BCAP29: variants seen among roughly 807,000 people sequenced by gnomAD.
The protein encoded by BCAP29 is B cell receptor associated protein 29.
In BCAP29, 34 loss-of-function variants were observed where a neutral mutation model predicts 31.8. The observed-to-expected ratio is 1.07, with a 90% CI of 0.81 to 1.42. The LOEUF is 1.42. Ranked by LOEUF, BCAP29 falls within the 40% of genes most tolerant of loss-of-function variation. The pLI is 0.00. For missense variants in BCAP29, 314 were observed against 269.2 expected (o/e 1.17, Z -1.16); for synonymous variants, 104 against 91.3 (o/e 1.14, Z -0.79).
intron 3 of BCAP29, chr7:107,587,828 A>C (rs1334853600): frequency 2.0e-5 from 3 of 152,238 alleles, no homozygotes; most frequent in African/African-American, 7.2e-5. Flanking sequence ...TATTTGAAAA[A>C]AAAAGCAAAA....
chr7:107,581,593 G>A (rs1007374580), intron 2 of BCAP29, among the ~76,000 whole-genome samples: 1 of 152,116 alleles, frequency 6.6e-6, no homozygotes, highest in Non-Finnish European at 1.5e-5. Context: ...AAATACACAT[G>A]TAATAAAAAT....
At chr7:107,593,468 C>T (rs1025431839) in intron 3 of BCAP29, among the ~76,000 whole-genome samples, 3 of 152,174 alleles carry the variant, frequency 2.0e-5, no homozygotes, top group Non-Finnish European at 2.9e-5. Flanking sequence ...TGTTAACAAA[C>T]TTATGCCAGT....
rs1387205467 is a variant in BCAP29 at position 107,619,649 on chromosome 7, G to T, written c.*1286G>T. On this transcript the variant is annotated 3_prime_UTR_variant, in exon 8 of 8. Coordinates refer to ENST00000005259, the MANE Select transcript of BCAP29 (RefSeq NM_018844.4). ...CATTCAACAGGAGTATGAAATGAGAGTTAGACCATATGGGCTGACAACACC... is the reference window on the plus strand; with the variant it reads ...CATTCAACAGGAGTATGAAATGAGATTTAGACCATATGGGCTGACAACACC... 6.6e-6 allele frequency: 1 copy of T among 152,116 alleles called. No individual in the cohort carries two copies. Among genetic ancestry groups the T allele is most frequent in the African/African-American group, 2.4e-5 (1 of 41,444 alleles). The allele number at this position is 152,116 out of a possible 1,614,324, so 9.4% of individuals were successfully genotyped here.
At chr7:107,617,366 G>A (rs1262618198) in intron 7 of BCAP29, among the ~76,000 whole-genome samples, 1 of 151,992 alleles carries the variant, frequency 6.6e-6, no homozygotes, top group Non-Finnish European at 1.5e-5. Context: ...AAATCCTTTT[G>A]GATTTCCCCA....
At chr7:107,612,390 T>TA (rs1249275835) in intron 6 of BCAP29, among the ~76,000 whole-genome samples, 12 of 92,724 alleles carry the variant, frequency 1.3e-4, no homozygotes, top group Admixed American at 2.8e-4. Flanking sequence ...AATGTATTGT[T>TA]TTATATATAT....
chr7:107,618,627 G>T lies in BCAP29; in HGVS notation c.*264G>T. The T allele has an allele frequency of 6.7e-7, 1 of 1,484,220 alleles. No individual in the cohort carries two copies. Among genetic ancestry groups the T allele is most frequent in the Non-Finnish European group, 9.1e-7 (1 of 1,104,930 alleles). 91.9% of individuals were successfully genotyped at this position (1,484,220 alleles called of 1,614,324 possible). On this transcript the variant is annotated 3_prime_UTR_variant, in exon 8 of 8. Transcript: ENST00000005259. ...TTGATAATGTCATTGGTATATGGTGGCTGTTTACCAATAAAAGGAAAAAAT... is the reference window on the plus strand; with the variant it reads ...TTGATAATGTCATTGGTATATGGTGTCTGTTTACCAATAAAAGGAAAAAAT...
At chr7:107,622,775 C>G (rs938440313), downstream of BCAP29, 6 of 152,272 alleles carry the variant, frequency 3.9e-5, no homozygotes, top group South Asian at 2.1e-4. Flanking sequence ...GCTGTTAAAC[C>G]CATTCCACAA....
At position 107,600,393 on chromosome 7, in the gene BCAP29, A is replaced by T. The variant is rs760413945; in HGVS notation, c.481-4A>T. 6.4e-7 allele frequency: 1 copy of T among 1,559,682 alleles called. No homozygotes were observed. Among genetic ancestry groups the T allele is most frequent in the South Asian group, 1.1e-5 (1 of 89,050 alleles). ...ATTTCTTCCTGTATCTCCTTTTGCA[A>T]TAGATTTTGAAAAGCCATGGTAAAG... On this transcript the variant is annotated splice_polypyrimidine_tract_variant and splice_region_variant and intron_variant, in intron 5 of 7. Coordinates refer to ENST00000005259, the MANE Select transcript of BCAP29 (RefSeq NM_018844.4).
intron 3 of BCAP29, among the ~76,000 whole-genome samples, chr7:107,591,413 G>C (rs1348821308): frequency 9.9e-5 from 15 of 152,076 alleles, no homozygotes; most frequent in Non-Finnish European, 1.5e-5. Context: ...AGCCTTAATA[G>C]AACAAAGATT....
chr7:107,604,331 G>A (rs1297269935), intron 6 of BCAP29, among the ~76,000 whole-genome samples: 1 of 152,114 alleles, frequency 6.6e-6, no homozygotes, highest in African/African-American at 2.4e-5. Context: ...AATAGCTGAA[G>A]TGTTTTTCCA....
chr7:107,586,453 C>T (rs960787014), intron 3 of BCAP29, among the ~76,000 whole-genome samples: 2 of 152,146 alleles, frequency 1.3e-5, no homozygotes, highest in African/African-American at 4.8e-5. Flanking sequence ...ACAAGGACAT[C>T]ATGGATAGTT....
chr7:107,580,476 G>A, intron 1 of BCAP29, 175 bp downstream of exon 1: 1 of 319,760 alleles, frequency 3.1e-6, no homozygotes. Flanking sequence ...CCGGGAAGCC[G>A]GGCGTTGGTG....
intron 5 of BCAP29, among the ~76,000 whole-genome samples, chr7:107,599,755 C>T (rs1032499480): frequency 6.6e-6 from 1 of 151,966 alleles, no homozygotes; most frequent in African/African-American, 2.4e-5. Flanking sequence ...AGTTGTTTTA[C>T]TATATGGATC....
intron 6 of BCAP29, among the ~76,000 whole-genome samples, chr7:107,603,086 C>T (rs1220492199): frequency 1.3e-5 from 2 of 149,620 alleles, no homozygotes; most frequent in Admixed American, 1.3e-4. Context: ...TCTCCAGCCT[C>T]AGCCTCCCAA....
Position 107,580,839 on chromosome 7 carries a change from T to G in BCAP29, c.67T>G (p.Cys23Gly). 1 of 1,591,272 alleles carries G rather than the reference T, an allele frequency of 6.3e-7. No homozygotes were observed. Among genetic ancestry groups the G allele is most frequent in the Non-Finnish European group, 8.5e-7 (1 of 1,170,538 alleles). Residue 23 changes from cysteine (C) to glycine (G), a missense_variant, in exon 2 of 8, where the codon TGC becomes GGC. Transcript: ENST00000005259. ...YAEIGLILIFCLPFIPPQRWQ... is the reference protein window; with the variant it reads ...YAEIGLILIFGLPFIPPQRWQ... ...CGAAATAGGACTCATTTTAATCTTCTGCCTACCTTTTATTCCTCCTCAGAG... is the reference window on the plus strand; with the variant it reads ...CGAAATAGGACTCATTTTAATCTTCGGCCTACCTTTTATTCCTCCTCAGAG...
chr7:107,597,774 CTA>C (rs768161307), intron 5 of BCAP29, among the ~76,000 whole-genome samples: 4 of 152,190 alleles, frequency 2.6e-5, no homozygotes, highest in Non-Finnish European at 4.4e-5. Flanking sequence ...CCCTCAACTC[CTA>C]TGTTATCTGA....
intron 3 of BCAP29, among the ~76,000 whole-genome samples, chr7:107,585,158 A>G (rs1187602487): frequency 1.3e-5 from 2 of 151,768 alleles, no homozygotes; most frequent in African/African-American, 4.8e-5. Flanking sequence ...ATTCCCTCAG[A>G]GTTGTTGTGT....
intron 6 of BCAP29, among the ~76,000 whole-genome samples, chr7:107,602,269 T>A (rs1811308940): frequency 6.6e-6 from 1 of 152,190 alleles, no homozygotes; most frequent in Non-Finnish European, 1.5e-5. Context: ...TAAGTTTTTT[T>A]AAAAAATAAC....
At chr7:107,589,974 G>A (rs1808429295) in intron 3 of BCAP29, among the ~76,000 whole-genome samples, 1 of 152,080 alleles carries the variant, frequency 6.6e-6, no homozygotes, top group Non-Finnish European at 1.5e-5. Context: ...ATAGAAATCA[G>A]TAACAGAAAT....
Sources: gnomAD v4.1 joint callset for allele counts (sites outside exome capture counted in the v4.1 genomes callset) on GRCh38, gnomAD v4.1.1 for gene constraint, MANE v1.5 for transcripts, NCBI Gene and HGNC (gene_info 2026-07-23, HGNC 2026-07-21) for gene names.